MYO16: variants seen among roughly 807,000 people sequenced by gnomAD.
The protein encoded by MYO16 is myosin XVI, also known as unconventional myosin-XVI.
MYO16 carries 94 observed loss-of-function variants against 205.3 expected under a neutral mutation model. The observed-to-expected ratio is 0.46, with a 90% CI of 0.39 to 0.54. The LOEUF (loss-of-function observed/expected upper bound fraction) is 0.54. Ranked by LOEUF, MYO16 falls within the 20% of genes least tolerant of loss-of-function variation. The probability of loss-of-function intolerance (pLI) is 0.00; values close to 1 mark genes in which losing one functional copy is unlikely to be tolerated. For missense variants in MYO16, 2,315 were observed against 2,387.5 expected, an observed-to-expected ratio of 0.97 and a Z score of 0.63; for synonymous variants, 988 against 954.0, an observed-to-expected ratio of 1.04 and a Z score of -0.66.
chr13:108,895,901 T>G (rs1212820894), intron 14 of MYO16, among the ~76,000 whole-genome samples: 1 of 152,236 alleles, frequency 6.6e-6, no homozygotes, highest in Non-Finnish European at 1.5e-5. Flanking sequence ...GTGCCAGACG[T>G]AAAGCTGAGT....
At chr13:109,206,333 C>T (rs907370415) in intron 34 of MYO16, among the ~76,000 whole-genome samples, 1 of 152,144 alleles carries the variant, frequency 6.6e-6, no homozygotes, top group African/African-American at 2.4e-5. Flanking sequence ...GTCAAGCAGA[C>T]ATTTGATTCT....
intron 27 of MYO16, among the ~76,000 whole-genome samples, chr13:109,063,409 A>C (rs1393474998): frequency 6.6e-6 from 1 of 152,210 alleles, no homozygotes; most frequent in Admixed American, 6.5e-5. Flanking sequence ...TAAAAGAAGC[A>C]GCAGGAAAAT....
rs760753702 is a variant in MYO16 at position 108,883,149 on chromosome 13, C to T, written c.1516C>T (p.Leu506Phe). 1 of 1,614,028 alleles carries T rather than the reference C, an allele frequency of 6.2e-7. No homozygotes were observed. The highest frequency in any genetic ancestry group is 8.5e-7 in the Non-Finnish European group (1 of 1,179,936). Residue 506 changes from leucine to phenylalanine, a missense_variant, in exon 13 of 35, where the codon CTC becomes TTC. Leu to Phe is a conservative substitution (Grantham distance 22, BLOSUM62 0). Transcript: ENST00000457511. ...CTGTGTGGAGAGAGCCTTTCACCAGCTCTTCCGGGAACAGCGGCCTCAGTG... is the reference window on the plus strand; with the variant it reads ...CTGTGTGGAGAGAGCCTTTCACCAGTTCTTCCGGGAACAGCGGCCTCAGTG... ...FSCVERAFHQ[L>F]FREQRPQCFI...
chr13:108,888,608 T>G (rs1880013671), intron 14 of MYO16, 131 bp downstream of exon 14: 1 of 491,072 alleles, frequency 2.0e-6, no homozygotes. Flanking sequence ...GAATAAAAAA[T>G]TATTGAGCTT....
chr13:108,745,272 A>G (rs1885024085), intron 4 of MYO16, among the ~76,000 whole-genome samples: 1 of 152,184 alleles, frequency 6.6e-6, no homozygotes, highest in African/African-American at 2.4e-5. Context: ...GGCTGAGTGC[A>G]GACTAGTATG....
chr13:108,715,284 G>T (rs749393206), intron 3 of MYO16, among the ~76,000 whole-genome samples: 8 of 152,152 alleles, frequency 5.3e-5, no homozygotes, highest in Non-Finnish European at 1.2e-4. Flanking sequence ...ACTTGCTGTG[G>T]GTCTCTGCTC....
intron 4 of MYO16, among the ~76,000 whole-genome samples, chr13:108,782,481 A>C (rs1415534004): frequency 6.6e-6 from 1 of 152,224 alleles, no homozygotes; most frequent in Non-Finnish European, 1.5e-5. Flanking sequence ...GAAAATTTGC[A>C]GCCTGACGAT....
At chr13:109,008,067 C>T (rs1419731361) in intron 21 of MYO16, among the ~76,000 whole-genome samples, 5 of 152,120 alleles carry the variant, frequency 3.3e-5, no homozygotes, top group Non-Finnish European at 7.4e-5. Context: ...TCATACTTTT[C>T]GTTGTTTTTA....
chr13:108,561,610 T>G, the MYO16 span, among the ~76,000 whole-genome samples: 2 of 152,268 alleles, frequency 1.3e-5, no homozygotes, highest in Non-Finnish European at 1.5e-5. Flanking sequence ...TTTACATTAA[T>G]GTTTATTTTA....
intron 27 of MYO16, among the ~76,000 whole-genome samples, chr13:109,066,832 C>G (rs1887763643): frequency 6.6e-6 from 1 of 152,130 alleles, no homozygotes; most frequent in African/African-American, 2.4e-5. Context: ...AAACCTTGAT[C>G]TACTCGCACT....
Position 109,125,476 on chromosome 13 carries a change from G to A in MYO16, c.3782+118G>A. Reference sequence around the variant, plus strand: ...AAATATGACAGGAGTTGCAGGAACAGGCATGCGTGGTTTGTTATTCGAAAT... The same window carrying A: ...AAATATGACAGGAGTTGCAGGAACAAGCATGCGTGGTTTGTTATTCGAAAT... On this transcript the variant is annotated intron_variant, in intron 30 of 34. Transcript: ENST00000457511. The surrounding 1 kb of genome is among the most constrained non-coding windows in gnomAD (Gnocchi z 4.0). 6.7e-6 allele frequency: 9 copies of A among 1,349,284 alleles called. No homozygotes were observed. In the South Asian group the frequency reaches 1.3e-4, roughly 19 times the overall value. 83.6% of individuals were successfully genotyped at this position (1,349,284 alleles called of 1,614,324 possible).
rs772314429 is a variant in MYO16 at position 109,055,611 on chromosome 13, C to A, written c.3335+16C>A. 1 of 1,599,878 alleles carries A rather than the reference C, an allele frequency of 6.3e-7. No individual in the cohort carries two copies. The highest frequency in any genetic ancestry group is 8.5e-7 in the Non-Finnish European group (1 of 1,174,460). On this transcript the variant is annotated intron_variant, in intron 27 of 34. Coordinates refer to ENST00000457511, the MANE Select transcript of MYO16 (RefSeq NM_001198950.3). This position sits in a 1 kb window ranked among gnomAD's most constrained non-coding sequence, Gnocchi z 5.0. ...TCCTGTCAAGGTAAATTCTTCTGCT[C>A]TTAAAATCGTCGTTCTCGCTGCTGT...
At chr13:108,527,369 T>C in the MYO16 span, among the ~76,000 whole-genome samples, 1 of 152,168 alleles carries the variant, frequency 6.6e-6, no homozygotes, top group South Asian at 2.1e-4. Flanking sequence ...AAAATTTTTC[T>C]TGTTTTTTAA....
chr13:108,577,422 C>T, the MYO16 span, among the ~76,000 whole-genome samples: 1 of 152,190 alleles, frequency 6.6e-6, no homozygotes, highest in African/African-American at 2.4e-5. Flanking sequence ...TAGAAGCTCT[C>T]TCTGTGCTCC....
the MYO16 span, among the ~76,000 whole-genome samples, chr13:108,501,544 A>G: frequency 6.6e-6 from 1 of 152,220 alleles, no homozygotes; most frequent in Non-Finnish European, 1.5e-5. Flanking sequence ...CAGACTTGCA[A>G]AAAGGTCTGA....
In MYO16 at chr13:108,988,576, C is replaced by A. The variant is rs572018433; in HGVS notation, c.2370-3800C>A. 3.0e-3 allele frequency among the ~76,000 whole-genome samples: 455 copies of A among 152,186 alleles called. 2 individuals carry two copies. Among genetic ancestry groups the A allele is most frequent in the African/African-American group, 0.011 (441 of 41,516 alleles). On this transcript the variant is annotated intron_variant, in intron 20 of 34. Transcript: ENST00000457511. Reference sequence around the variant, plus strand: ...AATAATTCACTTTCCCCAATGTGAACCCATCCTTTAATGATTTTGCCCACC... The same window carrying A: ...AATAATTCACTTTCCCCAATGTGAAACCATCCTTTAATGATTTTGCCCACC...
chr13:109,018,486 A>G (rs920452930), intron 22 of MYO16, among the ~76,000 whole-genome samples: 2 of 152,174 alleles, frequency 1.3e-5, no homozygotes, highest in Non-Finnish European at 2.9e-5. Context: ...CTCAGAGCTC[A>G]GACAACGTGC....
chr13:108,775,800 A>G (rs1257578593), intron 4 of MYO16, among the ~76,000 whole-genome samples: 1 of 152,220 alleles, frequency 6.6e-6, no homozygotes, highest in Non-Finnish European at 1.5e-5. Flanking sequence ...CAAGTAAGGA[A>G]CCTGAAATGC....
chr13:108,723,852 T>TA (rs149187547), intron 3 of MYO16, among the ~76,000 whole-genome samples: 1,614 of 151,286 alleles, frequency 0.011, 13 homozygotes, highest in East Asian at 0.042. Flanking sequence ...TCAATATCTA[T>TA]AAAAAAAAAC....
Sources: allele counts gnomAD v4.1 joint callset (sites outside exome capture counted in the v4.1 genomes callset), GRCh38; gene constraint gnomAD v4.1.1; non-coding constraint Gnocchi (gnomAD v3.1); transcripts MANE v1.5; gene names NCBI Gene and HGNC (gene_info 2026-07-23, HGNC 2026-07-21).